Variants in RNF152 observed in about 807,000 individuals in gnomAD.
RNF152 encodes the protein E3 ubiquitin-protein ligase RNF152.
RNF152 carries 11 observed loss-of-function variants against 12.7 expected under a neutral mutation model. The observed-to-expected ratio is 0.86, with a 90% CI of 0.54 to 1.43. The LOEUF is 1.43. RNF152 is among the 40% of genes most tolerant of loss of function. The pLI is 0.00. For synonymous variants in RNF152, 113 were observed against 120.3 expected, an observed-to-expected ratio of 0.94 and a Z score of 0.40; for missense variants, 255 against 274.8, an observed-to-expected ratio of 0.93 and a Z score of 0.51.
intron 1 of RNF152, among the ~76,000 whole-genome samples, chr18:61,826,938 T>A (rs1341433576): frequency 6.6e-6 from 1 of 152,212 alleles, no homozygotes; most frequent in African/African-American, 2.4e-5. Context: ...CAGAAAGAGC[T>A]GAGCAAAGAA....
intron 1 of RNF152, among the ~76,000 whole-genome samples, chr18:61,860,183 C>T (rs1911403795): frequency 6.6e-6 from 1 of 152,118 alleles, no homozygotes; most frequent in Non-Finnish European, 1.5e-5. Flanking sequence ...AGTGCATGGG[C>T]CTGCCGACAC....
At chr18:61,888,595 A>G (rs1001957980) in intron 1 of RNF152, 6 of 152,240 alleles carry the variant, frequency 3.9e-5, no homozygotes, top group African/African-American at 1.4e-4. Context: ...GGGCACAGTT[A>G]AGGCAGACAA....
chr18:61,839,351 A>C (rs1014756436), intron 1 of RNF152, among the ~76,000 whole-genome samples: 2 of 152,214 alleles, frequency 1.3e-5, no homozygotes, highest in Non-Finnish European at 2.9e-5. Flanking sequence ...CTTGACTTTC[A>C]TAACGTTCAC....
Position 61,808,297 on chromosome 18 carries a change from T to A in RNF152, c.*7555A>T, listed in dbSNP as rs764690933. The A allele has an allele frequency of 6.7e-6, 1 of 148,166 alleles. No homozygotes were observed. Among genetic ancestry groups the A allele is most frequent in the Non-Finnish European group, 1.5e-5 (1 of 67,658 alleles). 9.2% of individuals were successfully genotyped at this position (148,166 alleles called of 1,614,324 possible). A position where few individuals can be genotyped will look rare whatever the true frequency, so the allele number is the denominator to read the frequency against. ...CAGATTTATAAACAGCAGCTTGATA[T>A]CCCCTTTACGAAGTCAATATTTGGC... On this transcript the variant is annotated 3_prime_UTR_variant, in exon 2 of 2. Coordinates refer to ENST00000312828, the MANE Select transcript of RNF152 (RefSeq NM_173557.3).
Position 61,863,398 on chromosome 18 carries a change from G to T in RNF152, c.-136+29397C>A, listed in dbSNP as rs575994904. On this transcript the variant is annotated intron_variant, in intron 1 of 1. Transcript: ENST00000312828. ...TGCAGTGAGCGGCGATCGTGCCACC[G>T]CACTCCAGCCTGGCAACAGAGTGAG... is the stretch of plus-strand genomic sequence containing the variant. Among the ~76,000 whole-genome samples the T allele has an allele frequency of 2.1e-5, 3 of 139,536 alleles. No individual in the cohort carries two copies. The South Asian group carries it at 6.7e-4, about 31-fold the overall frequency. The allele number at this position is 139,536 out of a possible 152,430, so 91.5% of individuals were successfully genotyped here.
intron 1 of RNF152, among the ~76,000 whole-genome samples, chr18:61,872,593 T>A (rs1287808098): frequency 2.6e-5 from 4 of 152,076 alleles, no homozygotes; most frequent in Non-Finnish European, 5.9e-5. Flanking sequence ...AAACCCAAAG[T>A]TAGGCCTCTT....
intron 1 of RNF152, among the ~76,000 whole-genome samples, chr18:61,824,234 A>G (rs1909553009): frequency 6.6e-6 from 1 of 152,240 alleles, no homozygotes; most frequent in Non-Finnish European, 1.5e-5. Flanking sequence ...CTGTCGTTAC[A>G]TAGATAGGTT....
At chr18:61,893,794 G>C (rs1359408350), upstream of RNF152, 2 of 152,014 alleles carry the variant, frequency 1.3e-5, no homozygotes, top group Non-Finnish European at 2.9e-5. Context: ...CACGAGGAAA[G>C]CTCCCTCGGA....
intron 1 of RNF152, among the ~76,000 whole-genome samples, chr18:61,844,153 G>GA: frequency 2.1e-5 from 2 of 94,298 alleles, no homozygotes; most frequent in Non-Finnish European, 2.7e-5. Flanking sequence ...TAAGAGAAAA[G>GA]GAAGGAAGGG....
rs150986057 is a variant in RNF152, at chr18:61,864,845, C to T, written c.-136+27950G>A. Among the ~76,000 whole-genome samples, 688 of 152,262 alleles carry T rather than the reference C, an allele frequency of 4.5e-3. 8 individuals are homozygous for T. The highest frequency in any genetic ancestry group is 0.016 in the African/African-American group (651 of 41,560). ...ACCAGCCTGGCTAACATGGTGAAAC[C>T]CCGTTTCTACTAAAAATACAAAAAA... On this transcript the variant is annotated intron_variant, in intron 1 of 1. Coordinates refer to ENST00000312828, the MANE Select transcript of RNF152 (RefSeq NM_173557.3).
Position 61,842,681 on chromosome 18 carries a change from G to T in RNF152, c.-135-26083C>A, listed in dbSNP as rs866449768. 1.7e-4 allele frequency among the ~76,000 whole-genome samples: 26 copies of T among 152,298 alleles called. No homozygotes were observed. In the Middle Eastern group the frequency reaches 0.01, roughly 60 times the overall value. ...GACTGGGCAATTTACAAAAGAAAGAGGTTTAATGGACTCACAGTTCCACAT... is the reference window on the plus strand; with the variant it reads ...GACTGGGCAATTTACAAAAGAAAGATGTTTAATGGACTCACAGTTCCACAT... On this transcript the variant is annotated intron_variant, in intron 1 of 1. Transcript: ENST00000312828.
In RNF152 at chr18:61,808,338, T is replaced by C. The variant is rs1004145773; in HGVS notation, c.*7514A>G. ...AATATTTGGCAACATTTGGACAATA[T>C]TTTCTACACAGCCCAGCAGCTCATT... On this transcript the variant is annotated 3_prime_UTR_variant, in exon 2 of 2. Transcript: ENST00000312828. 2 of 146,818 alleles carry C rather than the reference T, an allele frequency of 1.4e-5. No individual in the cohort carries two copies. Among genetic ancestry groups the C allele is most frequent in the Non-Finnish European group, 3.0e-5 (2 of 67,312 alleles). 9.1% of individuals were successfully genotyped at this position (146,818 alleles called of 1,614,324 possible).
At chr18:61,837,035 AC>A (rs947049374) in intron 1 of RNF152, among the ~76,000 whole-genome samples, 2 of 152,218 alleles carry the variant, frequency 1.3e-5, no homozygotes, top group Non-Finnish European at 2.9e-5. Context: ...CAACTTTAGC[AC>A]CCTCAATAAT....
At chr18:61,854,371 T>A (rs1038892759) in intron 1 of RNF152, among the ~76,000 whole-genome samples, 1 of 152,146 alleles carries the variant, frequency 6.6e-6, no homozygotes, top group Non-Finnish European at 1.5e-5. Flanking sequence ...CTCTCAGTTT[T>A]GAGAGTGCAA....
At chr18:61,853,328 C>G (rs1911072171) in intron 1 of RNF152, among the ~76,000 whole-genome samples, 1 of 133,506 alleles carries the variant, frequency 7.5e-6, no homozygotes, top group African/African-American at 2.7e-5. Context: ...AGACAGGTTA[C>G]CCAGGCTGGA....
intron 1 of RNF152, among the ~76,000 whole-genome samples, chr18:61,887,131 G>A (rs373152645): frequency 9.7e-4 from 147 of 152,316 alleles, no homozygotes; most frequent in African/African-American, 3.5e-3. Flanking sequence ...AGCAAAAGTC[G>A]AGGTTGGAAA....
chr18:61,825,501 A>C (rs2144635323), intron 1 of RNF152, among the ~76,000 whole-genome samples: 1 of 152,332 alleles, frequency 6.6e-6, no homozygotes, highest in East Asian at 1.9e-4. Flanking sequence ...CATTTCCTCT[A>C]TTTGATTAAA....
chr18:61,887,386 T>G (rs1231862878), intron 1 of RNF152, among the ~76,000 whole-genome samples: 1 of 140,224 alleles, frequency 7.1e-6, no homozygotes, highest in African/African-American at 2.7e-5. Flanking sequence ...CAACTGTCAC[T>G]AAGTGAATCT....
intron 1 of RNF152, among the ~76,000 whole-genome samples, chr18:61,838,529 G>A (rs578240062): frequency 9.9e-4 from 151 of 152,266 alleles, no homozygotes; most frequent in African/African-American, 3.5e-3. Context: ...CTCAGTGTGA[G>A]CTTAAACCAA....
Sources: allele counts gnomAD v4.1 joint callset (sites outside exome capture counted in the v4.1 genomes callset), GRCh38; gene constraint gnomAD v4.1.1; transcripts MANE v1.5; gene names NCBI Gene and HGNC (gene_info 2026-07-23, HGNC 2026-07-21).